The following SF3B3 variants were observed in gnomAD, a reference collection of about 807,000 sequenced individuals.
SF3B3 encodes the protein SAP 130.
SF3B3 carries 33 observed loss-of-function variants against 139.2 expected under a neutral mutation model. The observed-to-expected ratio is 0.24, with a 90% confidence interval of 0.18 to 0.32. SF3B3 has a LOEUF of 0.32. SF3B3 is among the 10% of genes least tolerant of loss of function. SF3B3 has a pLI of 1.00. For synonymous variants in SF3B3, 596 were observed against 563.6 expected (o/e 1.06, Z -0.81); for missense variants, 818 against 1,509.4 (o/e 0.54, Z 7.59).
chr16:70,555,221 C>T lies in SF3B3; in HGVS notation c.1710+15C>T, dbSNP rs2050367965. ...AGATGGATCCTGTATGTTATTTTAT[C>T]ATTCACTGTGGGACTTATTGTAGGG... is the stretch of plus-strand genomic sequence containing the variant. On this transcript the variant is annotated intron_variant, in intron 13 of 25. Coordinates refer to ENST00000302516, the MANE Select transcript of SF3B3 (RefSeq NM_012426.5). 3.7e-6 allele frequency: 6 copies of T among 1,610,806 alleles called. No homozygotes were observed. Among genetic ancestry groups the T allele is most frequent in the Non-Finnish European group, 5.1e-6 (6 of 1,177,358 alleles).
At chr16:70,534,874 G>A (rs1239211988) in intron 5 of SF3B3, among the ~76,000 whole-genome samples, 2 of 152,036 alleles carry the variant, frequency 1.3e-5, no homozygotes, top group Non-Finnish European at 1.5e-5. Context: ...TCACCGTGTT[G>A]GCCAGGCTGG....
At chr16:70,524,712 G>C (rs1227751781) in intron 1 of SF3B3, 1 of 150,902 alleles carries the variant, frequency 6.6e-6, no homozygotes, top group Non-Finnish European at 1.5e-5. Flanking sequence ...ACGGTGTCTC[G>C]CTTTGTCGCC....
intron 8 of SF3B3, among the ~76,000 whole-genome samples, chr16:70,539,409 A>G (rs770891236): frequency 2.0e-5 from 3 of 152,090 alleles, no homozygotes; most frequent in African/African-American, 7.2e-5. Context: ...TTAGCTGGAC[A>G]TGGTGGCGGG....
At chr16:70,551,317 T>C (rs1176371602) in intron 11 of SF3B3, among the ~76,000 whole-genome samples, 1 of 152,212 alleles carries the variant, frequency 6.6e-6, no homozygotes, top group Non-Finnish European at 1.5e-5. Flanking sequence ...TTTTTTAACA[T>C]GAGACTTGAA....
intron 10 of SF3B3, among the ~76,000 whole-genome samples, chr16:70,547,286 A>G (rs1226606607): frequency 6.6e-6 from 1 of 152,224 alleles, no homozygotes; most frequent in Non-Finnish European, 1.5e-5. Flanking sequence ...TTCCTATAAG[A>G]TGTGGGTTAC....
rs1290757182 is a variant in SF3B3 at position 70,563,882 on chromosome 16, G to C, written c.2295G>C (p.Leu765Phe). ...CCTTGCTTTTTTGTCATAGGATTTT[G>C]GCATTAGAGAAGCTCGGTGCTGTCT... Reference protein sequence around the residue: ...VAISTNTLRILALEKLGAVFN... With the variant: ...VAISTNTLRIFALEKLGAVFN... Residue 765 changes from leucine (L) to phenylalanine (F), a missense_variant, in exon 18 of 26, where the codon TTG becomes TTC. Coordinates refer to ENST00000302516, the MANE Select transcript of SF3B3 (RefSeq NM_012426.5). The C allele has an allele frequency of 6.2e-7, 1 of 1,613,626 alleles. No homozygotes were observed.
Position 70,543,228 on chromosome 16 carries a change from A to T in SF3B3, c.1234-1210A>T, listed in dbSNP as rs536406609. Among the ~76,000 whole-genome samples the T allele has an allele frequency of 3.4e-5, 5 of 148,836 alleles. No individual in the cohort carries two copies. The South Asian group carries it at 1.1e-3, about 32-fold the overall frequency. On this transcript the variant is annotated intron_variant, in intron 9 of 25. Coordinates refer to ENST00000302516, the MANE Select transcript of SF3B3 (RefSeq NM_012426.5). Reference sequence around the variant, plus strand: ...TTTGAGACCAGCCTGACCAACATGGAGAAACCCTGTCTCTACTAAAAGAAA... The same window carrying T: ...TTTGAGACCAGCCTGACCAACATGGTGAAACCCTGTCTCTACTAAAAGAAA...
intron 16 of SF3B3, among the ~76,000 whole-genome samples, chr16:70,560,983 C>T (rs757859092): frequency 6.6e-6 from 1 of 151,792 alleles, no homozygotes; most frequent in Non-Finnish European, 1.5e-5. Flanking sequence ...GTTAGTGTTT[C>T]TGGGCACTGT....
chr16:70,540,075 G>T (rs1231513614), intron 8 of SF3B3, among the ~76,000 whole-genome samples: 2 of 149,340 alleles, frequency 1.3e-5, no homozygotes, highest in Non-Finnish European at 3.0e-5. Context: ...GCGCCCAGCA[G>T]TACTTAAATA....
chr16:70,565,746 T>C, intron 20 of SF3B3: 6 of 516,608 alleles, frequency 1.2e-5, no homozygotes, highest in African/African-American at 1.9e-5. Context: ...GGGAGATAGA[T>C]GCACATTCAA....
intron 14 of SF3B3, 171 bp downstream of exon 14, chr16:70,556,505 C>T: frequency 1.4e-6 from 1 of 706,084 alleles, no homozygotes; most frequent in South Asian, 1.8e-5. Context: ...TCAGGAGTTT[C>T]CTGCTGTGGT....
Position 70,543,018 on chromosome 16 carries a change from C to T in SF3B3, c.1233+1184C>T, listed in dbSNP as rs149703527. Among the ~76,000 whole-genome samples the T allele has an allele frequency of 3.5e-3, 530 of 152,172 alleles. 7 individuals carry two copies. The highest frequency in any genetic ancestry group is 0.012 in the African/African-American group (492 of 41,518). On this transcript the variant is annotated intron_variant, in intron 9 of 25. Transcript: ENST00000302516. ...GATTATAGGTGTGAGCCACCACGCCCGGCCAAGTGTGACTAATTTCTAATT... is the reference window on the plus strand; with the variant it reads ...GATTATAGGTGTGAGCCACCACGCCTGGCCAAGTGTGACTAATTTCTAATT...
intron 11 of SF3B3, among the ~76,000 whole-genome samples, chr16:70,552,071 G>C (rs1315080690): frequency 6.6e-6 from 1 of 152,148 alleles, no homozygotes; most frequent in Admixed American, 6.5e-5. Context: ...ATTCTCTTAT[G>C]TTTGAGTAGT....
At chr16:70,565,317 C>G (rs566850250) in intron 19 of SF3B3, 47 bp downstream of exon 19, 1 of 1,613,390 alleles carries the variant, frequency 6.2e-7, no homozygotes, top group East Asian at 2.2e-5. Flanking sequence ...GGAACAGGAG[C>G]TCTCTGAGTT....
rs1412291752 is a variant in SF3B3, at chr16:70,574,932, A to G, written c.*3119A>G. ...TTCAAGGGCTATATGTAGAGCTCAG[A>G]AGAAACATCTCTGCTGCTGAAATCA... is the stretch of plus-strand genomic sequence containing the variant. On this transcript the variant is annotated 3_prime_UTR_variant, in exon 26 of 26. Transcript: ENST00000302516. 2 of 152,208 alleles carry G rather than the reference A, an allele frequency of 1.3e-5. No individual in the cohort carries two copies. Among genetic ancestry groups the G allele is most frequent in the Non-Finnish European group, 2.9e-5 (2 of 68,024 alleles). 9.4% of individuals were successfully genotyped at this position (152,208 alleles called of 1,614,324 possible).
At chr16:70,545,696 T>C (rs2050261648) in intron 10 of SF3B3, among the ~76,000 whole-genome samples, 1 of 152,234 alleles carries the variant, frequency 6.6e-6, no homozygotes, top group South Asian at 2.1e-4. Context: ...GGGTTTTGAA[T>C]TCTGGCTCTA....
chr16:70,546,304 T>C (rs2050268031), intron 10 of SF3B3, among the ~76,000 whole-genome samples: 1 of 152,304 alleles, frequency 6.6e-6, no homozygotes, highest in East Asian at 1.9e-4. Flanking sequence ...TAGTTACTTA[T>C]TTCTCATTGG....
intron 10 of SF3B3, among the ~76,000 whole-genome samples, chr16:70,545,671 C>T (rs991187056): frequency 2.6e-5 from 4 of 152,152 alleles, no homozygotes; most frequent in East Asian, 1.9e-4. Context: ...TATTGGAACA[C>T]GCCCAAGATA....
rs143476703 is a variant in SF3B3, at chr16:70,560,915, C to T, written c.2133+324C>T. Among the ~76,000 whole-genome samples the T allele has an allele frequency of 1.8e-4, 27 of 152,292 alleles. No individual in the cohort carries two copies. The East Asian group carries it at 4.8e-3, about 27-fold the overall frequency. On this transcript the variant is annotated intron_variant, in intron 16 of 25. Coordinates refer to ENST00000302516, the MANE Select transcript of SF3B3 (RefSeq NM_012426.5). ...TTATCCCAGTCTTAGATCAGTGTCACGTTTACTACCTAATGTGAAAGAGAC... is the reference window on the plus strand; with the variant it reads ...TTATCCCAGTCTTAGATCAGTGTCATGTTTACTACCTAATGTGAAAGAGAC...
Sources: gnomAD v4.1 joint callset for allele counts (sites outside exome capture counted in the v4.1 genomes callset) on GRCh38, gnomAD v4.1.1 for gene constraint, MANE v1.5 for transcripts, NCBI Gene and HGNC (gene_info 2026-07-23, HGNC 2026-07-21) for gene names.